PPP1R12B: variants seen among roughly 807,000 people sequenced by gnomAD.
PPP1R12B encodes protein phosphatase 1 regulatory subunit 12B.
A neutral mutation model predicts 126.1 loss-of-function variants in PPP1R12B; 76 were observed. The ratio of observed to expected loss-of-function variants is 0.60; its 90% CI spans 0.50 to 0.73. The LOEUF (loss-of-function observed/expected upper bound fraction) is 0.73, where lower values mean the gene tolerates loss of function less well. PPP1R12B is among the 30% of genes least tolerant of loss of function. The pLI, the probability that PPP1R12B is intolerant of heterozygous loss-of-function variation, is 0.00. For synonymous variants in PPP1R12B, 356 were observed against 434.7 expected (o/e 0.82, Z 2.25); for missense variants, 1,052 against 1,205.1 (o/e 0.87, Z 1.88).
At chr1:202,456,003 T>G (rs771045912) in intron 13 of PPP1R12B, among the ~76,000 whole-genome samples, 10 of 152,078 alleles carry the variant, frequency 6.6e-5, no homozygotes, top group Non-Finnish European at 1.3e-4. Context: ...GCACGGTGAC[T>G]CATGTCTGTA....
intron 18 of PPP1R12B, among the ~76,000 whole-genome samples, chr1:202,550,824 T>TA (rs1486860630): frequency 5.3e-5 from 8 of 152,154 alleles, no homozygotes; most frequent in Admixed American, 1.3e-4. Flanking sequence ...ATCACAAGAG[T>TA]TTATGAATTA....
intron 13 of PPP1R12B, chr1:202,473,900 A>G (rs1392396091): frequency 1.9e-6 from 1 of 532,472 alleles, no homozygotes; most frequent in Non-Finnish European, 3.9e-6. Flanking sequence ...CTTGCTATTC[A>G]TTTCCACGCA....
intron 13 of PPP1R12B, among the ~76,000 whole-genome samples, chr1:202,461,643 A>G (rs1387439883): frequency 6.6e-6 from 1 of 152,072 alleles, no homozygotes; most frequent in Non-Finnish European, 1.5e-5. Flanking sequence ...CCATATCTCA[A>G]GTTTAGGAGA....
chr1:202,512,293 C>CT (rs1174867861), intron 18 of PPP1R12B, among the ~76,000 whole-genome samples: 1 of 152,130 alleles, frequency 6.6e-6, no homozygotes, highest in Non-Finnish European at 1.5e-5. Context: ...CAATTAGAGC[C>CT]TAGGGTCCAG....
At chr1:202,523,869 C>T (rs1345132384) in intron 18 of PPP1R12B, among the ~76,000 whole-genome samples, 1 of 152,106 alleles carries the variant, frequency 6.6e-6, no homozygotes, top group East Asian at 1.9e-4. Context: ...TGCATGCCAC[C>T]ACGCCCAGCT....
At chr1:202,431,776 T>C (rs1470841664) in intron 8 of PPP1R12B, among the ~76,000 whole-genome samples, 157 bp downstream of exon 8, 2 of 152,184 alleles carry the variant, frequency 1.3e-5, no homozygotes, top group Admixed American at 6.6e-5. Context: ...CCACCTGATA[T>C]AAAAACTGTG....
At chr1:202,409,718 C>T (rs1174504860) in intron 1 of PPP1R12B, among the ~76,000 whole-genome samples, 1 of 152,082 alleles carries the variant, frequency 6.6e-6, no homozygotes, top group Non-Finnish European at 1.5e-5. Flanking sequence ...CGCTTGAGGG[C>T]AGTGGTGCTA....
At chr1:202,550,154 T>C (rs1354526046) in intron 18 of PPP1R12B, among the ~76,000 whole-genome samples, 1 of 152,234 alleles carries the variant, frequency 6.6e-6, no homozygotes, top group Non-Finnish European at 1.5e-5. Context: ...TTCTACCCTA[T>C]GTTACTTAGG....
intron 18 of PPP1R12B, among the ~76,000 whole-genome samples, chr1:202,532,809 A>G (rs1684101316): frequency 6.9e-6 from 1 of 145,190 alleles, no homozygotes; most frequent in Admixed American, 7.0e-5. Flanking sequence ...TTACAGAAAT[A>G]TTTCAAGAAT....
rs565821066 is a variant in PPP1R12B, at chr1:202,419,442, A to G, written c.422+2525A>G. Among the ~76,000 whole-genome samples, 17 of 152,204 alleles carry G rather than the reference A, an allele frequency of 1.1e-4. No homozygotes were observed. Among genetic ancestry groups the G allele is most frequent in the Non-Finnish European group, 2.1e-4 (14 of 68,034 alleles). On this transcript the variant is annotated intron_variant, in intron 2 of 23. Coordinates refer to ENST00000608999, the MANE Select transcript of PPP1R12B (RefSeq NM_002481.4). The surrounding 1 kb of genome is among the most constrained non-coding windows in gnomAD (Gnocchi z 4.6). ...GTAAGGATTCTCAGAGATAAAGTAGAAATTACTTCATAGGTTGATATTTAT... is the reference window on the plus strand; with the variant it reads ...GTAAGGATTCTCAGAGATAAAGTAGGAATTACTTCATAGGTTGATATTTAT...
chr1:202,585,830 G>C lies in PPP1R12B; in HGVS notation c.*5270G>C, dbSNP rs2149049935. On this transcript the variant is annotated 3_prime_UTR_variant, in exon 24 of 24. Coordinates refer to ENST00000608999, the MANE Select transcript of PPP1R12B (RefSeq NM_002481.4). ...GAGCTCATGGAGAAATGGATAGAAA[G>C]CAATTTGTTGCAGGCAGCCTTTGGA... 6.6e-6 allele frequency: 1 copy of C among 152,310 alleles called. No homozygotes were observed. The highest frequency in any genetic ancestry group is 1.9e-4 in the East Asian group (1 of 5,184). 9.4% of individuals were successfully genotyped at this position (152,310 alleles called of 1,614,324 possible). A position where few individuals can be genotyped will look rare whatever the true frequency, so the allele number is the denominator to read the frequency against.
intron 1 of PPP1R12B, among the ~76,000 whole-genome samples, chr1:202,372,340 G>GA (rs1317620231): frequency 6.6e-6 from 1 of 151,522 alleles, no homozygotes; most frequent in Non-Finnish European, 1.5e-5. Context: ...CCCATCTCTA[G>GA]AAAAAATACA....
At chr1:202,374,493 CTTTTTTTTT>C (rs1160730172) in intron 1 of PPP1R12B, among the ~76,000 whole-genome samples, 5 of 89,506 alleles carry the variant, frequency 5.6e-5, no homozygotes, top group Admixed American at 3.4e-4. Context: ...TTGTCTCTCT[CTTTTTTTTT>C]TTTTTTTTTT....
chr1:202,404,208 C>T (rs1340817158), intron 1 of PPP1R12B, among the ~76,000 whole-genome samples: 4 of 152,266 alleles, frequency 2.6e-5, no homozygotes, highest in East Asian at 1.9e-4. Flanking sequence ...TGGCTGTCAA[C>T]GTATCCTACC....
intron 1 of PPP1R12B, among the ~76,000 whole-genome samples, chr1:202,375,064 T>C (rs1660954257): frequency 6.6e-6 from 1 of 152,186 alleles, no homozygotes; most frequent in African/African-American, 2.4e-5. Flanking sequence ...TGCCTCAGCC[T>C]CCCGAGTAGC....
intron 1 of PPP1R12B, among the ~76,000 whole-genome samples, chr1:202,393,898 A>AAAAT (rs958821168): frequency 1.2e-4 from 19 of 152,154 alleles, no homozygotes; most frequent in Admixed American, 1.3e-4. Context: ...CTGTCTCTAA[A>AAAAT]AAATAAATAA....
rs540442855 is a variant in PPP1R12B at position 202,508,646 on chromosome 1, AT to A, written c.2490+11825del. Among the ~76,000 whole-genome samples, 312 of 152,356 alleles carry A rather than the reference AT, an allele frequency of 2.0e-3. 2 individuals are homozygous for A. The highest frequency in any genetic ancestry group is 7.2e-3 in the African/African-American group (301 of 41,576). ...AGGAGTTGGAGGACTTTCAAAAGTG[AT>A]ATGCCAAATGGGCGAAACATGGGGC... On this transcript the variant is annotated intron_variant, in intron 18 of 23. Coordinates refer to ENST00000608999, the MANE Select transcript of PPP1R12B (RefSeq NM_002481.4). The surrounding 1 kb of genome is among the most constrained non-coding windows in gnomAD (Gnocchi z 4.5).
At chr1:202,472,113 G>T in intron 13 of PPP1R12B, 5 of 1,536,874 alleles carry the variant, frequency 3.3e-6, no homozygotes, top group Non-Finnish European at 4.4e-6. Flanking sequence ...CTTTGTGAGA[G>T]GCATGTTCTC....
intron 18 of PPP1R12B, among the ~76,000 whole-genome samples, chr1:202,557,073 G>A (rs1687025343): frequency 6.6e-6 from 1 of 152,108 alleles, no homozygotes; most frequent in Non-Finnish European, 1.5e-5. Context: ...CTGCAGCCTC[G>A]ACCTCTTGTG....
Sources: gnomAD v4.1 joint callset for allele counts (sites outside exome capture counted in the v4.1 genomes callset) on GRCh38, gnomAD v4.1.1 for gene constraint, Gnocchi (gnomAD v3.1) non-coding constraint, MANE v1.5 for transcripts, NCBI Gene and HGNC (gene_info 2026-07-23, HGNC 2026-07-21) for gene names.